The following PDE1A variants were observed in gnomAD, a reference collection of about 807,000 sequenced individuals.
PDE1A encodes dual specificity calcium/calmodulin-dependent 3',5'-cyclic nucleotide phosphodiesterase 1A.
A neutral mutation model predicts 61.7 loss-of-function variants in PDE1A; 35 were observed. The ratio of observed to expected loss-of-function variants is 0.57; its 90% CI spans 0.43 to 0.75. The LOEUF is 0.75. PDE1A is among the 30% of genes least tolerant of loss of function. PDE1A has a pLI of 0.00. For synonymous variants in PDE1A, 232 were observed against 213.2 expected (o/e 1.09, Z -0.77); for missense variants, 597 against 630.6 (o/e 0.95, Z 0.57).
intron 2 of PDE1A, among the ~76,000 whole-genome samples, chr2:182,470,321 G>C (rs949460913): frequency 6.6e-6 from 1 of 151,802 alleles, no homozygotes; most frequent in African/African-American, 2.4e-5. Context: ...ACCTGATTAA[G>C]TGCAGCTATG....
intron 2 of PDE1A, among the ~76,000 whole-genome samples, chr2:182,484,469 T>G (rs1281186752): frequency 6.6e-6 from 1 of 151,912 alleles, no homozygotes; most frequent in East Asian, 1.9e-4. Flanking sequence ...GACTTCATGA[T>G]AAAGATACCA....
At chr2:182,265,219 G>A (rs60217954) in intron 1 of PDE1A, among the ~76,000 whole-genome samples, 15,799 of 151,180 alleles carry the variant, frequency 0.1, 1,152 homozygotes, top group East Asian at 0.32. Context: ...ACTTATCCAC[G>A]TAACCAGAAA....
chr2:182,189,651 T>A (rs1264807833), intron 10 of PDE1A, among the ~76,000 whole-genome samples: 2 of 152,210 alleles, frequency 1.3e-5, no homozygotes, highest in African/African-American at 4.8e-5. Flanking sequence ...ATCAATTTTT[T>A]TATTATTTGA....
chr2:182,366,029 G>T (rs1189012903), intron 1 of PDE1A, among the ~76,000 whole-genome samples: 1 of 152,014 alleles, frequency 6.6e-6, no homozygotes, highest in Non-Finnish European at 1.5e-5. Flanking sequence ...TGTTCATCTG[G>T]CAATAAACAG....
intron 1 of PDE1A, among the ~76,000 whole-genome samples, chr2:182,309,731 A>G (rs558162985): frequency 6.6e-6 from 1 of 152,314 alleles, no homozygotes; most frequent in South Asian, 2.1e-4. Flanking sequence ...CAGTCAGGTA[A>G]AATATGCATG....
the PDE1A span, among the ~76,000 whole-genome samples, chr2:182,714,760 C>T: frequency 1.3e-5 from 2 of 151,878 alleles, no homozygotes; most frequent in African/African-American, 2.4e-5. Flanking sequence ...GATTTCACCA[C>T]GTTGGCCAGG....
At chr2:182,626,389 AT>A in the PDE1A span, among the ~76,000 whole-genome samples, 203 of 152,064 alleles carry the variant, frequency 1.3e-3, no homozygotes, top group Middle Eastern at 3.4e-3. Context: ...GGACACCTGA[AT>A]TTTTTTTAAA....
the PDE1A span, among the ~76,000 whole-genome samples, chr2:182,595,597 C>G: frequency 6.6e-6 from 1 of 152,198 alleles, no homozygotes; most frequent in Non-Finnish European, 1.5e-5. Context: ...ATTCTTATAG[C>G]TTAGAATGGG....
chr2:182,584,816 C>T, the PDE1A span, among the ~76,000 whole-genome samples: 2 of 152,194 alleles, frequency 1.3e-5, no homozygotes, highest in African/African-American at 4.8e-5. Flanking sequence ...AGAGCAAGTG[C>T]CTCAAGCTAT....
intron 10 of PDE1A, among the ~76,000 whole-genome samples, chr2:182,193,669 T>C (rs1685898482): frequency 1.3e-5 from 2 of 152,194 alleles, no homozygotes; most frequent in Non-Finnish European, 2.9e-5. Flanking sequence ...AAGCATTTAA[T>C]AATTACAGCA....
the PDE1A span, among the ~76,000 whole-genome samples, chr2:182,560,064 C>T: frequency 2.1e-5 from 3 of 140,382 alleles, no homozygotes; most frequent in East Asian, 4.2e-4. Context: ...GATAGGGATT[C>T]TTTTTTTTTT....
At chr2:182,222,383 A>G (rs550061951) in intron 7 of PDE1A, among the ~76,000 whole-genome samples, 72 of 152,126 alleles carry the variant, frequency 4.7e-4, no homozygotes, top group African/African-American at 1.7e-3. Context: ...TGCCAGGGGT[A>G]AAGGGGCAGG....
At position 182,514,627 on chromosome 2, in the gene PDE1A, T is replaced by G. The variant is rs371284590; in HGVS notation, c.101+7649A>C. Among the ~76,000 whole-genome samples the G allele has an allele frequency of 7.2e-5, 11 of 152,294 alleles. 1 individual carries two copies. Among genetic ancestry groups the G allele is most frequent in the African/African-American group, 2.6e-4 (11 of 41,564 alleles). On this transcript the variant is annotated intron_variant, in intron 2 of 14. Coordinates refer to the PDE1A transcript ENST00000410103. ...AACTGGCTAGTCATATGCAGAATAT[T>G]TAAACTGGACACCTTCTTTTCACCA...
intron 2 of PDE1A, among the ~76,000 whole-genome samples, chr2:182,520,006 A>G (rs569077624): frequency 5.5e-4 from 83 of 152,052 alleles, no homozygotes; most frequent in Non-Finnish European, 1.0e-3. Flanking sequence ...CTATTGCACA[A>G]TTGTTTGATA....
the PDE1A span, among the ~76,000 whole-genome samples, chr2:182,539,055 C>T: frequency 1.3e-5 from 2 of 152,076 alleles, no homozygotes; most frequent in African/African-American, 2.4e-5. Flanking sequence ...TCAATAGTAC[C>T]TTTCTGTATG....
intron 2 of PDE1A, among the ~76,000 whole-genome samples, chr2:182,248,511 C>T (rs7578466): frequency 0.045 from 6,826 of 152,060 alleles, 477 homozygotes; most frequent in African/African-American, 0.16. Context: ...ACTAATCCTT[C>T]GGAGCTATTT....
At chr2:182,621,536 T>C in the PDE1A span, among the ~76,000 whole-genome samples, 1 of 151,992 alleles carries the variant, frequency 6.6e-6, no homozygotes, top group African/African-American at 2.4e-5. Flanking sequence ...GTCTGTTGTG[T>C]TCTATAACAT....
intron 7 of PDE1A, among the ~76,000 whole-genome samples, chr2:182,212,771 C>G (rs556444310): frequency 7.2e-4 from 110 of 152,340 alleles, no homozygotes; most frequent in African/African-American, 2.5e-3. Context: ...GTCCTATGCC[C>G]ACAGAGTCTC....
upstream of PDE1A, among the ~76,000 whole-genome samples, chr2:182,524,068 A>G (rs984826429): frequency 1.3e-5 from 2 of 152,164 alleles, no homozygotes; most frequent in African/African-American, 2.4e-5. Flanking sequence ...TGTGAAATTA[A>G]AACTTCATTC....
Sources: gnomAD v4.1 joint callset for allele counts (sites outside exome capture counted in the v4.1 genomes callset) on GRCh38, gnomAD v4.1.1 for gene constraint, MANE v1.5 for transcripts, NCBI Gene and HGNC (gene_info 2026-07-23, HGNC 2026-07-21) for gene names.